AP5Z1: variants seen among roughly 807,000 people sequenced by gnomAD.
AP5Z1 encodes the protein adaptor related protein complex 5 subunit zeta 1, also known as AP-5 complex subunit zeta-1.
A neutral mutation model predicts 83.0 loss-of-function variants in AP5Z1; 106 were observed. The ratio of observed to expected loss-of-function variants is 1.28; its 90% CI spans 1.09 to 1.50. The LOEUF (loss-of-function observed/expected upper bound fraction) is 1.50, where lower values mean the gene tolerates loss of function less well. Ranked by LOEUF, AP5Z1 falls within the 40% of genes most tolerant of loss-of-function variation. The pLI, the probability that AP5Z1 is intolerant of heterozygous loss-of-function variation, is 0.00. For missense variants in AP5Z1, 1,565 were observed against 1,094.2 expected, an observed-to-expected ratio of 1.43 and a Z score of -6.07; for synonymous variants, 751 against 514.1, an observed-to-expected ratio of 1.46 and a Z score of -6.23.
intron 3 of AP5Z1, among the ~76,000 whole-genome samples, chr7:4,782,794 A>G (rs1781416243): frequency 6.6e-6 from 1 of 151,626 alleles, no homozygotes; most frequent in African/African-American, 2.4e-5. Flanking sequence ...CATTTTTTTC[A>G]GTGGAAGATG....
At chr7:4,779,405 TATAACATG>T (rs2115099450) in intron 1 of AP5Z1, among the ~76,000 whole-genome samples, 1 of 146,554 alleles carries the variant, frequency 6.8e-6, no homozygotes, top group African/African-American at 2.5e-5. Flanking sequence ...ATATATCATA[TATAACATG>T]ATAACATATA....
chr7:4,791,391 C>T lies in AP5Z1; in HGVS notation c.*6C>T, dbSNP rs768787357. ...CCGGCCTCATGCCAGGGTGAAGGGA[C>T]AGTGGCCAGGGACTTCGGTGCAGAT... On this transcript the variant is annotated 3_prime_UTR_variant, in exon 17 of 17. Coordinates refer to ENST00000649063, the MANE Select transcript of AP5Z1 (RefSeq NM_014855.3). The T allele has an allele frequency of 1.2e-6, 2 of 1,600,624 alleles. No individual in the cohort carries two copies. Among genetic ancestry groups the T allele is most frequent in the South Asian group, 2.2e-5 (2 of 89,392 alleles).
At chr7:4,790,233 A>C in intron 14 of AP5Z1, 5 of 1,548,028 alleles carry the variant, frequency 3.2e-6, no homozygotes, top group Non-Finnish European at 4.3e-6. Flanking sequence ...ATGCAGGCCC[A>C]TCCTGGTTCC....
In AP5Z1 at chr7:4,790,655, C is replaced by A. The variant is rs778152865; in HGVS notation, c.1939-18C>A. The A allele has an allele frequency of 1.2e-6, 2 of 1,612,156 alleles. No individual in the cohort carries two copies. The highest frequency in any genetic ancestry group is 8.5e-7 in the Non-Finnish European group (1 of 1,179,522). On this transcript the variant is annotated intron_variant, in intron 15 of 16. Coordinates refer to ENST00000649063, the MANE Select transcript of AP5Z1 (RefSeq NM_014855.3). Reference sequence around the variant, plus strand: ...CAGGAGGCCTGGGTGGGGGCTGAATCTCTGTCCCCGGGCCTAGGTGTGGGC... The same window carrying A: ...CAGGAGGCCTGGGTGGGGGCTGAATATCTGTCCCCGGGCCTAGGTGTGGGC...
intron 9 of AP5Z1, 123 bp downstream of exon 9, chr7:4,785,807 G>A (rs1379558916): frequency 7.8e-7 from 1 of 1,288,692 alleles, no homozygotes; most frequent in Non-Finnish European, 1.0e-6. Context: ...GGGTCTTGCT[G>A]TGTTGCCCAG....
At chr7:4,776,891 A>G (rs1228479990) in intron 1 of AP5Z1, among the ~76,000 whole-genome samples, 3 of 152,220 alleles carry the variant, frequency 2.0e-5, no homozygotes, top group Non-Finnish European at 2.9e-5. Flanking sequence ...ACTGGACTCC[A>G]GTCTGGGTGA....
chr7:4,777,353 C>CTTCA (rs369481207), intron 1 of AP5Z1, among the ~76,000 whole-genome samples: 1 of 148,844 alleles, frequency 6.7e-6, no homozygotes, highest in African/African-American at 2.5e-5. Context: ...GAAGAGCCCT[C>CTTCA]TTTATTTATT....
rs1321515061 is a variant in AP5Z1 at position 4,790,875 on chromosome 7, A to G, written c.2141A>G (p.Asp714Gly). 6.2e-7 allele frequency: 1 copy of G among 1,603,454 alleles called. No homozygotes were observed. The highest frequency in any genetic ancestry group is 8.5e-7 in the Non-Finnish European group (1 of 1,176,050). ...ACGAAGCTGGCCTCCCGGAGCCAAG[A>G]TCTGATCCCCAGGTGCCTGGTCAGG... is the stretch of plus-strand genomic sequence containing the variant. ...TLTKLASRSQ[D>G]LIPRASLLLS... is the part of the protein sequence containing the mutation. Residue 714 changes from aspartate (D) to glycine (G), a missense_variant, in exon 16 of 17, where the codon GAT becomes GGT. By Grantham distance (94) the Asp-to-Gly change is moderately conservative (BLOSUM62 -1). Transcript: ENST00000649063.
intron 4 of AP5Z1, 21 bp from the exon 5 acceptor site, chr7:4,783,668 A>AT (rs776360426): frequency 6.5e-7 from 1 of 1,545,084 alleles, no homozygotes; most frequent in South Asian, 1.2e-5. Flanking sequence ...TCACCTCCCC[A>AT]TGCCACCCCA....
At position 4,791,652 on chromosome 7, in the gene AP5Z1, G is replaced by A; in HGVS notation, c.*267G>A. On this transcript the variant is annotated 3_prime_UTR_variant, in exon 17 of 17. Coordinates refer to ENST00000649063, the MANE Select transcript of AP5Z1 (RefSeq NM_014855.3). ...GCTCTGATTGGAGGCTTGAGGCCCT[G>A]TGGCTGGGTCGGGTGGAGGCTGCTG... is the stretch of plus-strand genomic sequence containing the variant. 1 of 532,056 alleles carries A rather than the reference G, an allele frequency of 1.9e-6. No homozygotes were observed. Among genetic ancestry groups the A allele is most frequent in the Non-Finnish European group, 3.3e-6 (1 of 305,714 alleles). The allele number at this position is 532,056 out of a possible 1,614,324, so 33.0% of individuals were successfully genotyped here.
rs1298077718 is a variant in AP5Z1, at chr7:4,775,709, C to T, written c.-7C>T. The T allele has an allele frequency of 3.1e-6, 5 of 1,606,818 alleles. No homozygotes were observed. The highest frequency in any genetic ancestry group is 1.7e-5 in the Admixed American group (1 of 59,984). ...GAGGTTCGTGCGCGTCTGGTGGCGG[C>T]GGCGTGATGTTCTCGGCAGGAGCGG... On this transcript the variant is annotated 5_prime_UTR_variant, in exon 1 of 17. Transcript: ENST00000649063.
At position 4,793,691 on chromosome 7, in the gene AP5Z1, G is replaced by A. The variant is rs540809527; in HGVS notation, c.*2306G>A. 200 of 152,962 alleles carry A rather than the reference G, an allele frequency of 1.3e-3. No individual in the cohort carries two copies. The highest frequency in any genetic ancestry group is 4.3e-3 in the African/African-American group (178 of 41,602). 9.5% of individuals were successfully genotyped at this position (152,962 alleles called of 1,614,324 possible). A position where few individuals can be genotyped will look rare whatever the true frequency, so the allele number is the denominator to read the frequency against. On this transcript the variant is annotated 3_prime_UTR_variant, in exon 17 of 17. Coordinates refer to ENST00000649063, the MANE Select transcript of AP5Z1 (RefSeq NM_014855.3). Reference sequence around the variant, plus strand: ...ACCTGGACCAGCAGCTGCTGTGCTCGATTTCTCACTGGGCCTTAGCTGCCT... The same window carrying A: ...ACCTGGACCAGCAGCTGCTGTGCTCAATTTCTCACTGGGCCTTAGCTGCCT...
At chr7:4,790,196 G>A in intron 14 of AP5Z1, 1 of 1,546,392 alleles carries the variant, frequency 6.5e-7, no homozygotes, top group Non-Finnish European at 8.7e-7. Context: ...TTGTCCCCTG[G>A]GGTCCTTCTC....
rs986017174 is a variant in AP5Z1, at chr7:4,791,675, C to T, written c.*290C>T. On this transcript the variant is annotated 3_prime_UTR_variant, in exon 17 of 17. Transcript: ENST00000649063. Reference sequence around the variant, plus strand: ...CTGTGGCTGGGTCGGGTGGAGGCTGCTGGGTCTGTTTCCTAGTCTTTTGTT... The same window carrying T: ...CTGTGGCTGGGTCGGGTGGAGGCTGTTGGGTCTGTTTCCTAGTCTTTTGTT... 55 of 500,440 alleles carry T rather than the reference C, an allele frequency of 1.1e-4. No homozygotes were observed. In the Middle Eastern group the frequency reaches 2.6e-3, roughly 23 times the overall value. 31.0% of individuals were successfully genotyped at this position (500,440 alleles called of 1,614,324 possible).
chr7:4,788,706 G>C, intron 12 of AP5Z1, 134 bp from the exon 13 acceptor site: 1 of 758,100 alleles, frequency 1.3e-6, no homozygotes, highest in Non-Finnish European at 2.1e-6. Flanking sequence ...CAGGGGAGCA[G>C]GAGGTCCCGA....
chr7:4,775,838 C>T, intron 1 of AP5Z1, 82 bp downstream of exon 1: 2 of 1,544,210 alleles, frequency 1.3e-6, no homozygotes, highest in East Asian at 2.4e-5. Context: ...AGGGCAGGGG[C>T]TTGGGCGCCA....
At chr7:4,776,295 C>T (rs1324245290) in intron 1 of AP5Z1, among the ~76,000 whole-genome samples, 1 of 151,584 alleles carries the variant, frequency 6.6e-6, no homozygotes, top group Non-Finnish European at 1.5e-5. Context: ...TGTGTCTGGA[C>T]TCCCAGTAAC....
At position 4,792,118 on chromosome 7, in the gene AP5Z1, C is replaced by G; in HGVS notation, c.*733C>G. ...TGAGTGGAGCTCAGAACACTGGATT[C>G]GCGCGAAGGGGAGGTGTCTGGGCGT... On this transcript the variant is annotated 3_prime_UTR_variant, in exon 17 of 17. Coordinates refer to ENST00000649063, the MANE Select transcript of AP5Z1 (RefSeq NM_014855.3). The G allele has an allele frequency of 6.6e-6, 1 of 152,402 alleles. No homozygotes were observed. The highest frequency in any genetic ancestry group is 1.5e-5 in the Non-Finnish European group (1 of 68,104). 9.4% of individuals were successfully genotyped at this position (152,402 alleles called of 1,614,324 possible).
intron 13 of AP5Z1, among the ~76,000 whole-genome samples, chr7:4,789,299 G>A (rs1032115581): frequency 3.9e-5 from 6 of 151,966 alleles, no homozygotes; most frequent in South Asian, 4.1e-4. Context: ...CCTGTCTTCC[G>A]TCCCCAGGAC....
Sources: allele counts gnomAD v4.1 joint callset (sites outside exome capture counted in the v4.1 genomes callset), GRCh38; gene constraint gnomAD v4.1.1; transcripts MANE v1.5; gene names NCBI Gene and HGNC (gene_info 2026-07-23, HGNC 2026-07-21).